VPS41: variants seen among roughly 807,000 people sequenced by gnomAD.
The protein encoded by VPS41 is vacuolar protein sorting-associated protein 41 homolog.
VPS41 carries 85 observed loss-of-function variants against 130.9 expected under a neutral mutation model. The observed-to-expected ratio is 0.65, with a 90% CI of 0.55 to 0.78. The LOEUF (loss-of-function observed/expected upper bound fraction) is 0.78, where lower values mean the gene tolerates loss of function less well. VPS41 is among the 30% of genes least tolerant of loss of function. VPS41 has a pLI of 0.00. For synonymous variants in VPS41, 335 were observed against 332.9 expected, an observed-to-expected ratio of 1.01 and a Z score of -0.07; for missense variants, 874 against 1,018.7, an observed-to-expected ratio of 0.86 and a Z score of 1.93.
chr7:38,763,748 A>G (rs1254095337), intron 16 of VPS41, among the ~76,000 whole-genome samples: 2 of 152,208 alleles, frequency 1.3e-5, no homozygotes, highest in African/African-American at 4.8e-5. Flanking sequence ...AAGTATATAC[A>G]TGTATGAATG....
intron 25 of VPS41, among the ~76,000 whole-genome samples, chr7:38,734,515 C>T (rs941343280): frequency 2.0e-5 from 3 of 152,148 alleles, no homozygotes; most frequent in Admixed American, 6.5e-5. Context: ...TGAAAATCAA[C>T]ATGAGAACTT....
chr7:38,806,694 A>G (rs1344989109), intron 7 of VPS41, among the ~76,000 whole-genome samples: 1 of 152,236 alleles, frequency 6.6e-6, no homozygotes, highest in African/African-American at 2.4e-5. Context: ...GAATACATCT[A>G]CATACATAAT....
chr7:38,909,002 C>T lies in VPS41; in HGVS notation c.21+152G>A, dbSNP rs1467834967. The T allele has an allele frequency of 6.2e-6, 6 of 967,830 alleles. No individual in the cohort carries two copies. In the East Asian group the frequency reaches 1.5e-4, roughly 24 times the overall value. The allele number at this position is 967,830 out of a possible 1,614,324, so 60.0% of individuals were successfully genotyped here. A position where few individuals can be genotyped will look rare whatever the true frequency, so the allele number is the denominator to read the frequency against. On this transcript the variant is annotated intron_variant, in intron 1 of 28. Transcript: ENST00000310301. ...CTGGCATCCTCTCTGCTCCCCGAAA[C>T]CAACTTTCGCCATCCCACCCCGCCC...
intron 2 of VPS41, among the ~76,000 whole-genome samples, chr7:38,894,774 A>T (rs1416159411): frequency 1.3e-5 from 2 of 152,094 alleles, no homozygotes; most frequent in Non-Finnish European, 2.9e-5. Flanking sequence ...CCAGTTCTTT[A>T]GCACTATCCC....
intron 7 of VPS41, among the ~76,000 whole-genome samples, chr7:38,807,750 C>CT (rs988256177): frequency 2.0e-5 from 3 of 152,202 alleles, no homozygotes; most frequent in African/African-American, 7.2e-5. Context: ...TGACCCCTTG[C>CT]TTTATACAGC....
At chr7:38,852,634 T>C (rs1785884480) in intron 4 of VPS41, among the ~76,000 whole-genome samples, 1 of 152,142 alleles carries the variant, frequency 6.6e-6, no homozygotes, top group Non-Finnish European at 1.5e-5. Context: ...AATAAATAAG[T>C]TCTAGAGCAG....
At chr7:38,894,033 T>C (rs1044495808) in intron 2 of VPS41, among the ~76,000 whole-genome samples, 9 of 152,350 alleles carry the variant, frequency 5.9e-5, no homozygotes, top group African/African-American at 1.4e-4. Context: ...AATTGTTATA[T>C]GGTTGAAAAC....
At chr7:38,899,814 C>T (rs1209267772) in intron 1 of VPS41, among the ~76,000 whole-genome samples, 4 of 152,122 alleles carry the variant, frequency 2.6e-5, no homozygotes, top group African/African-American at 7.2e-5. Context: ...CCTGTATGTA[C>T]AGTTCTAAAA....
intron 24 of VPS41, among the ~76,000 whole-genome samples, chr7:38,742,943 T>C (rs1349841125): frequency 6.6e-6 from 1 of 152,112 alleles, no homozygotes; most frequent in Non-Finnish European, 1.5e-5. Context: ...ATAAAAATAG[T>C]GCAGGAAAGA....
At chr7:38,786,046 G>A (rs1784430932) in intron 10 of VPS41, among the ~76,000 whole-genome samples, 1 of 152,178 alleles carries the variant, frequency 6.6e-6, no homozygotes, top group Non-Finnish European at 1.5e-5. Context: ...TAGAAAAAGG[G>A]TCTTCAGATT....
chr7:38,895,199 G>A (rs748357798), intron 2 of VPS41, among the ~76,000 whole-genome samples: 7 of 152,080 alleles, frequency 4.6e-5, no homozygotes, highest in Non-Finnish European at 1.0e-4. Flanking sequence ...GTGCACACCT[G>A]TAATCACAGC....
At chr7:38,773,209 G>A (rs1784189855) in intron 12 of VPS41, among the ~76,000 whole-genome samples, 1 of 152,154 alleles carries the variant, frequency 6.6e-6, no homozygotes, top group Non-Finnish European at 1.5e-5. Flanking sequence ...AGCATGTTGT[G>A]CACAATGCCA....
chr7:38,728,208 A>G, intron 27 of VPS41: 1 of 490,718 alleles, frequency 2.0e-6, no homozygotes, highest in Non-Finnish European at 3.7e-6. Context: ...AGTGGCATCA[A>G]CATTACCTGG....
chr7:38,728,865 G>A, intron 25 of VPS41, 74 bp from the exon 26 acceptor site: 1 of 1,337,800 alleles, frequency 7.5e-7, no homozygotes, highest in Non-Finnish European at 1.1e-6. Context: ...CACTGTACTG[G>A]GGATTCCAAA....
chr7:38,808,128 A>T (rs888740624), intron 7 of VPS41, among the ~76,000 whole-genome samples: 3 of 152,148 alleles, frequency 2.0e-5, no homozygotes, highest in Non-Finnish European at 2.9e-5. Flanking sequence ...GTTGCTATGG[A>T]CCCAACTCTC....
chr7:38,784,394 T>G (rs1784401505), intron 10 of VPS41, among the ~76,000 whole-genome samples: 1 of 152,122 alleles, frequency 6.6e-6, no homozygotes, highest in Non-Finnish European at 1.5e-5. Context: ...TCCCAGCATG[T>G]TGGGAGGCCA....
Position 38,789,738 on chromosome 7 carries a change from T to G in VPS41, c.784+63A>C. 4 of 1,556,812 alleles carry G rather than the reference T, an allele frequency of 2.6e-6. No homozygotes were observed. The South Asian group carries it at 4.5e-5, about 17-fold the overall frequency. ...AAGACTATGGCAGTCTGGGTGAGAT[T>G]AATGAAGACGAAAATTTTGAATGAA... On this transcript the variant is annotated intron_variant, in intron 10 of 28. Coordinates refer to ENST00000310301, the MANE Select transcript of VPS41 (RefSeq NM_014396.4).
chr7:38,870,564 G>A (rs1786330154), intron 2 of VPS41, among the ~76,000 whole-genome samples: 1 of 151,510 alleles, frequency 6.6e-6, no homozygotes. Flanking sequence ...AAACTACTGG[G>A]GCCTCTACAA....
At chr7:38,842,754 A>G (rs1455716909) in intron 4 of VPS41, among the ~76,000 whole-genome samples, 1 of 152,216 alleles carries the variant, frequency 6.6e-6, no homozygotes, top group East Asian at 1.9e-4. Flanking sequence ...AAAAGATTCA[A>G]TGCAAGCATC....
Sources: gnomAD v4.1 joint callset for allele counts (sites outside exome capture counted in the v4.1 genomes callset) on GRCh38, gnomAD v4.1.1 for gene constraint, MANE v1.5 for transcripts, NCBI Gene and HGNC (gene_info 2026-07-23, HGNC 2026-07-21) for gene names.